CHAF1A: variants seen among roughly 807,000 people sequenced by gnomAD.
CHAF1A encodes the protein CAF-1 subunit A.
A neutral mutation model predicts 93.2 loss-of-function variants in CHAF1A; 5 were observed. The ratio of observed to expected loss-of-function variants is 0.05; its 90% CI spans 0.03 to 0.11. The LOEUF is 0.11. CHAF1A is among the 10% of genes least tolerant of loss of function. The probability of loss-of-function intolerance (pLI) is 1.00; values close to 1 mark genes in which losing one functional copy is unlikely to be tolerated. For missense variants in CHAF1A, 1,102 were observed against 1,259.9 expected (o/e 0.87, Z 1.90); for synonymous variants, 504 against 510.3 (o/e 0.99, Z 0.17).
intron 13 of CHAF1A, among the ~76,000 whole-genome samples, chr19:4,440,355 C>G (rs1051983375): frequency 2.0e-5 from 3 of 151,740 alleles, no homozygotes; most frequent in African/African-American, 7.3e-5. Context: ...ACCTTGTCAT[C>G]CCAGCACTTT....
downstream of CHAF1A, chr19:4,445,969 C>T: frequency 6.6e-7 from 1 of 1,522,320 alleles, no homozygotes; most frequent in Non-Finnish European, 8.8e-7. Flanking sequence ...AGGAGGCTCC[C>T]TCCTGGGGGT....
downstream of CHAF1A, chr19:4,447,965 C>T (rs750985869): frequency 1.1e-4 from 53 of 497,046 alleles, no homozygotes; most frequent in Non-Finnish European, 1.7e-4. Context: ...GGGGCTCCTG[C>T]GGGGTGCTCC....
intron 4 of CHAF1A, 28 bp downstream of exon 4, chr19:4,418,104 T>TC (rs1973927403): frequency 2.0e-6 from 3 of 1,504,722 alleles, no homozygotes; most frequent in South Asian, 2.4e-5. Flanking sequence ...AAATAGAAAA[T>TC]TAACCTGCTG....
At chr19:4,442,158 A>G in intron 13 of CHAF1A, 87 bp from the exon 14 acceptor site, 1 of 1,052,228 alleles carries the variant, frequency 9.5e-7, no homozygotes, top group Non-Finnish European at 1.5e-6. Context: ...GGAAGGTGTC[A>G]CACCTGTGGA....
At chr19:4,410,800 A>G (rs758965617) in intron 3 of CHAF1A, among the ~76,000 whole-genome samples, 70 of 152,186 alleles carry the variant, frequency 4.6e-4, no homozygotes, top group Non-Finnish European at 7.5e-4. Flanking sequence ...GCAGCGAGCT[A>G]TGATCACACT....
intron 6 of CHAF1A, 53 bp downstream of exon 6, chr19:4,423,448 G>T: frequency 6.2e-7 from 1 of 1,609,294 alleles, no homozygotes; most frequent in Non-Finnish European, 8.5e-7. Flanking sequence ...AGAAGCAGAT[G>T]CCCAAAGTGG....
chr19:4,441,010 A>T (rs1974377442), intron 13 of CHAF1A, among the ~76,000 whole-genome samples: 1 of 151,286 alleles, frequency 6.6e-6, no homozygotes, highest in Admixed American at 6.6e-5. Context: ...AAAAAAAAAA[A>T]AAAAGGCACA....
chr19:4,409,883 A>G, intron 3 of CHAF1A, 124 bp downstream of exon 3: 1 of 1,106,440 alleles, frequency 9.0e-7, no homozygotes, highest in Non-Finnish European at 1.3e-6. Flanking sequence ...GGGTCCTGGG[A>G]CTCGACGTGG....
In CHAF1A at chr19:4,409,344, A is replaced by G; in HGVS notation, c.545A>G (p.Lys182Arg). The G allele has an allele frequency of 6.2e-7, 1 of 1,614,090 alleles. No individual in the cohort carries two copies. The highest frequency in any genetic ancestry group is 8.5e-7 in the Non-Finnish European group (1 of 1,180,004). ...GAGACCCTTTCAGACATTCCTTGCAAAACAGAGGAGGAGGGTGTTGGCTGT... is the reference window on the plus strand; with the variant it reads ...GAGACCCTTTCAGACATTCCTTGCAGAACAGAGGAGGAGGGTGTTGGCTGT... ...PGETLSDIPC[K>R]TEEEGVGCGG... Residue 182 changes from lysine (K) to arginine (R), a missense_variant, in exon 3 of 15, where the codon AAA becomes AGA. By Grantham distance (26) the Lys-to-Arg change is conservative (BLOSUM62 2). This residue lies in a region of CHAF1A where 379 missense variants were observed against 365.7 expected (regional missense o/e 1.04). Transcript: ENST00000301280.
At chr19:4,416,217 G>A (rs1973895086) in intron 3 of CHAF1A, among the ~76,000 whole-genome samples, 1 of 152,088 alleles carries the variant, frequency 6.6e-6, no homozygotes, top group Non-Finnish European at 1.5e-5. Flanking sequence ...TGACCCCTCA[G>A]ACCATTGCCA....
chr19:4,431,648 C>T (rs1974184781), intron 11 of CHAF1A, among the ~76,000 whole-genome samples: 1 of 151,988 alleles, frequency 6.6e-6, no homozygotes, highest in Non-Finnish European at 1.5e-5. Context: ...GACACCCAAC[C>T]CTGTTAAACG....
chr19:4,423,188 A>G (rs986096756), intron 5 of CHAF1A, 147 bp from the exon 6 acceptor site: 9 of 1,170,886 alleles, frequency 7.7e-6, no homozygotes, highest in Non-Finnish European at 1.1e-5. Flanking sequence ...GTGAAGACCT[A>G]TGTAAAAGCC....
chr19:4,405,831 A>T, intron 1 of CHAF1A, 81 bp from the exon 2 acceptor site: 5 of 1,260,924 alleles, frequency 4.0e-6, no homozygotes, highest in Non-Finnish European at 5.8e-6. Flanking sequence ...CACCTTGTAC[A>T]TAATTGGCTC....
rs753997648 is a variant in CHAF1A, at chr19:4,429,519, C to T, written c.1686C>T (p.Phe562=). The T allele has an allele frequency of 8.1e-6, 13 of 1,613,746 alleles. No individual in the cohort carries two copies. Among genetic ancestry groups the T allele is most frequent in the Non-Finnish European group, 1.1e-5 (13 of 1,179,970 alleles). The change falls in exon 9 of 15, where the codon TTC becomes TTT. Residue 562 remains phenylalanine, a synonymous_variant. Transcript: ENST00000301280. The stretch of plus-strand genomic sequence containing the variant: ...TTGGCAGGATGAAGCTCCTGCAGTT[C>T]TGTGAGAACCACCGGCCTGCCTACT... The part of the protein sequence containing the change: ...RKFGRMKLLQ[F]CENHRPAYWG...
intron 3 of CHAF1A, 137 bp from the exon 4 acceptor site, chr19:4,417,883 A>G (rs1973923190): frequency 3.5e-6 from 2 of 579,338 alleles, no homozygotes; most frequent in Non-Finnish European, 6.2e-6. Flanking sequence ...ACATGTATGC[A>G]CACTTACTGG....
intron 1 of CHAF1A, among the ~76,000 whole-genome samples, chr19:4,404,525 T>TAGG (rs1973645611): frequency 6.6e-6 from 1 of 152,232 alleles, no homozygotes; most frequent in African/African-American, 2.4e-5. Context: ...ACTGTCTTTA[T>TAGG]TTCTTTGAAG....
At chr19:4,446,811 A>C (rs752239845), downstream of CHAF1A, 9 of 1,613,546 alleles carry the variant, frequency 5.6e-6, no homozygotes, top group African/African-American at 1.2e-4. Flanking sequence ...CCCATTCCCT[A>C]CTCAGCCAGG....
intron 3 of CHAF1A, among the ~76,000 whole-genome samples, chr19:4,417,295 A>G (rs1360112429): frequency 3.3e-5 from 5 of 151,978 alleles, no homozygotes; most frequent in Admixed American, 3.3e-4. Flanking sequence ...ACACCTAAAA[A>G]AATTCATATG....
intron 3 of CHAF1A, among the ~76,000 whole-genome samples, chr19:4,415,463 C>A (rs1973881682): frequency 6.6e-6 from 1 of 152,168 alleles, no homozygotes; most frequent in South Asian, 2.1e-4. Context: ...CCCGCCACCC[C>A]AAGACCACAT....
Sources: allele counts gnomAD v4.1 joint callset (sites outside exome capture counted in the v4.1 genomes callset), GRCh38; gene constraint gnomAD v4.1.1; regional missense constraint gnomAD v4.1.1; transcripts MANE v1.5; gene names NCBI Gene and HGNC (gene_info 2026-07-23, HGNC 2026-07-21).